PKIB: variants seen among roughly 807,000 people sequenced by gnomAD.
PKIB encodes PKI-beta.
In PKIB, 2 loss-of-function variants were observed where a neutral mutation model predicts 4.5. The observed-to-expected ratio is 0.44, with a 90% CI of 0.18 to 1.39. PKIB has a LOEUF of 1.39. Among genes scored for constraint, PKIB ranks in the 40% most tolerant of loss-of-function variants. The probability of loss-of-function intolerance (pLI) is 0.27; values close to 1 mark genes in which losing one functional copy is unlikely to be tolerated. For synonymous variants in PKIB, 38 were observed against 36.0 expected (o/e 1.06, Z -0.20); for missense variants, 94 against 92.6 (o/e 1.02, Z -0.06).
intron 2 of PKIB, among the ~76,000 whole-genome samples, chr6:122,642,235 A>C (rs1393486823): frequency 2.6e-5 from 4 of 152,198 alleles, no homozygotes. Flanking sequence ...TAAACTCTTA[A>C]ATTTATTTTG....
At chr6:122,699,281 T>TAAAAA (rs58796900) in intron 3 of PKIB, among the ~76,000 whole-genome samples, 8,626 of 150,468 alleles carry the variant, frequency 0.057, 477 homozygotes, top group African/African-American at 0.14. Flanking sequence ...ATTTGTGAAC[T>TAAAAA]AAAATATATA....
chr6:122,568,274 A>G (rs140504751), intron 2 of PKIB, among the ~76,000 whole-genome samples: 55 of 152,340 alleles, frequency 3.6e-4, no homozygotes, highest in African/African-American at 1.3e-3. Flanking sequence ...GATTCACACC[A>G]TAAATTTTTT....
In PKIB at chr6:122,668,886, G is replaced by A. The variant is rs562192597; in HGVS notation, c.-75-6192G>A. Among the ~76,000 whole-genome samples, 6 of 152,272 alleles carry A rather than the reference G, an allele frequency of 3.9e-5. No homozygotes were observed. The South Asian group carries it at 1.0e-3, about 26-fold the overall frequency. On this transcript the variant is annotated intron_variant, in intron 2 of 4. Coordinates refer to ENST00000368452, the MANE Select transcript of PKIB (RefSeq NM_181795.3). ...CAATGAAACAATAAAAATTGAGGAGGAGGATTTGTTTCAATTTGCCATTTC... is the reference window on the plus strand; with the variant it reads ...CAATGAAACAATAAAAATTGAGGAGAAGGATTTGTTTCAATTTGCCATTTC...
In PKIB at chr6:122,642,410, G is replaced by A. The variant is rs116130666; in HGVS notation, c.-76+9043G>A. 3.7e-3 allele frequency among the ~76,000 whole-genome samples: 564 copies of A among 152,320 alleles called. 4 individuals are homozygous for A. The highest frequency in any genetic ancestry group is 0.013 in the African/African-American group (538 of 41,590). On this transcript the variant is annotated intron_variant, in intron 2 of 4. Coordinates refer to ENST00000368452, the MANE Select transcript of PKIB (RefSeq NM_181795.3). ...TCTGCTGCTTATGTTTAAAAAACAC[G>A]CAGAGAGCTAAGATAAGGCATTCTT... is the stretch of plus-strand genomic sequence containing the variant.
At chr6:122,589,570 A>G (rs896621311) in intron 3 of PKIB, among the ~76,000 whole-genome samples, 4 of 152,158 alleles carry the variant, frequency 2.6e-5, no homozygotes, top group Non-Finnish European at 5.9e-5. Context: ...TTATAAATGT[A>G]TCAGTGTAAT....
intron 2 of PKIB, chr6:122,478,803 A>G (rs1178283803): frequency 6.6e-6 from 1 of 152,308 alleles, no homozygotes; most frequent in East Asian, 1.9e-4. Context: ...AAAACAAAAA[A>G]AACTCCTGCA....
chr6:122,514,051 A>G (rs1776668420), intron 2 of PKIB, among the ~76,000 whole-genome samples: 1 of 152,182 alleles, frequency 6.6e-6, no homozygotes, highest in South Asian at 2.1e-4. Flanking sequence ...TGATAATCAC[A>G]GACAGGAACA....
intron 1 of PKIB, among the ~76,000 whole-genome samples, chr6:122,629,649 A>G (rs773641289): frequency 4.1e-4 from 63 of 152,302 alleles, no homozygotes; most frequent in Non-Finnish European, 4.7e-4. Flanking sequence ...CAAGGTCAAC[A>G]TCGGTAGTGA....
chr6:122,701,337 T>G, intron 3 of PKIB: 1 of 912,120 alleles, frequency 1.1e-6, no homozygotes, highest in South Asian at 1.7e-5. Flanking sequence ...CCAGTGACAG[T>G]CACCAGGCTA....
At chr6:122,703,366 A>G (rs1459503343) in intron 3 of PKIB, among the ~76,000 whole-genome samples, 2 of 152,226 alleles carry the variant, frequency 1.3e-5, no homozygotes, top group African/African-American at 2.4e-5. Flanking sequence ...GAAACAGTAC[A>G]GTATTTTGAA....
At chr6:122,645,607 T>A (rs767776551) in intron 2 of PKIB, among the ~76,000 whole-genome samples, 2 of 152,134 alleles carry the variant, frequency 1.3e-5, no homozygotes. Context: ...TCCCAAGGAT[T>A]GGGGCTGAGG....
chr6:122,711,395 T>C (rs1779268983), intron 3 of PKIB, among the ~76,000 whole-genome samples: 1 of 152,216 alleles, frequency 6.6e-6, no homozygotes, highest in Admixed American at 6.5e-5. Context: ...GTTATATTGA[T>C]GCATCACTTA....
chr6:122,565,128 C>T (rs1303304967), intron 2 of PKIB, among the ~76,000 whole-genome samples: 1 of 152,196 alleles, frequency 6.6e-6, no homozygotes, highest in Non-Finnish European at 1.5e-5. Flanking sequence ...TAATTCTCCT[C>T]ATATCTCTAG....
intron 1 of PKIB, among the ~76,000 whole-genome samples, chr6:122,622,974 G>C (rs980541282): frequency 6.6e-6 from 1 of 152,170 alleles, no homozygotes; most frequent in Admixed American, 6.5e-5. Flanking sequence ...TGCAAGGTGA[G>C]TTTTCTGGGT....
chr6:122,677,946 C>T (rs969840103), intron 3 of PKIB, among the ~76,000 whole-genome samples: 31 of 151,718 alleles, frequency 2.0e-4, no homozygotes, highest in African/African-American at 6.5e-4. Flanking sequence ...CTCGCTCTGT[C>T]GCCCAGGCTG....
At chr6:122,625,656 AT>A (rs1298937929) in intron 1 of PKIB, among the ~76,000 whole-genome samples, 2 of 151,266 alleles carry the variant, frequency 1.3e-5, no homozygotes, top group African/African-American at 4.9e-5. Context: ...AATAATAATA[AT>A]TAATTAATTA....
chr6:122,507,950 A>G (rs1167110268), intron 2 of PKIB, among the ~76,000 whole-genome samples: 1 of 151,938 alleles, frequency 6.6e-6, no homozygotes, highest in African/African-American at 2.4e-5. Context: ...GCCAATTGTA[A>G]CTGTATATGA....
chr6:122,540,189 G>T (rs1273314562), intron 2 of PKIB, among the ~76,000 whole-genome samples: 2 of 151,916 alleles, frequency 1.3e-5, no homozygotes, highest in Non-Finnish European at 2.9e-5. Flanking sequence ...CTTCAGTTCT[G>T]CTCTGATTTT....
chr6:122,672,113 A>G (rs950152098), intron 2 of PKIB, among the ~76,000 whole-genome samples: 1 of 152,100 alleles, frequency 6.6e-6, no homozygotes, highest in Non-Finnish European at 1.5e-5. Flanking sequence ...ACATTATTAT[A>G]TCTTTCTTGA....
Sources: gnomAD v4.1 joint callset for allele counts (sites outside exome capture counted in the v4.1 genomes callset) on GRCh38, gnomAD v4.1.1 for gene constraint, MANE v1.5 for transcripts, NCBI Gene and HGNC (gene_info 2026-07-23, HGNC 2026-07-21) for gene names.